The following UNC13B variants were observed in gnomAD, a reference collection of about 807,000 sequenced individuals.
UNC13B encodes the protein protein unc-13 homolog B.
UNC13B carries 144 observed loss-of-function variants against 211.0 expected under a neutral mutation model. The ratio of observed to expected loss-of-function variants is 0.68; its 90% CI spans 0.60 to 0.78. UNC13B has a LOEUF of 0.78. Ranked by LOEUF, UNC13B falls within the 30% of genes least tolerant of loss-of-function variation. UNC13B has a pLI of 0.00. For synonymous variants in UNC13B, 709 were observed against 725.8 expected, an observed-to-expected ratio of 0.98 and a Z score of 0.37; for missense variants, 1,777 against 2,002.0, an observed-to-expected ratio of 0.89 and a Z score of 2.14.
chr9:35,379,718 G>T (rs73501716), intron 17 of UNC13B, among the ~76,000 whole-genome samples: 3,991 of 152,210 alleles, frequency 0.026, 178 homozygotes, highest in African/African-American at 0.089. Context: ...GCTTCAAGAA[G>T]CTCCTTGTTG....
At chr9:35,309,565 C>T (rs1324045983) in intron 9 of UNC13B, among the ~76,000 whole-genome samples, 1 of 152,210 alleles carries the variant, frequency 6.6e-6, no homozygotes, top group East Asian at 1.9e-4. Flanking sequence ...TACTGCTCTT[C>T]TTTCCACCAC....
At chr9:35,264,274 G>A (rs1587498944) in intron 7 of UNC13B, among the ~76,000 whole-genome samples, 1 of 152,182 alleles carries the variant, frequency 6.6e-6, no homozygotes, top group Non-Finnish European at 1.5e-5. Flanking sequence ...TGGTATGAGT[G>A]TAGATATTAA....
chr9:35,201,724 C>G (rs7390679), intron 1 of UNC13B, among the ~76,000 whole-genome samples: 28,126 of 152,098 alleles, frequency 0.18, 2,929 homozygotes, highest in Non-Finnish European at 0.24. Flanking sequence ...ATTCTTCTCT[C>G]TTTTCTTCTT....
intron 1 of UNC13B, among the ~76,000 whole-genome samples, chr9:35,198,837 C>T (rs114538023): frequency 5.5e-4 from 84 of 152,270 alleles, no homozygotes; most frequent in African/African-American, 1.9e-3. Flanking sequence ...CATTATGTCT[C>T]TGCCCTGGGG....
intron 11 of UNC13B, chr9:35,360,668 G>T (rs1833350908): frequency 6.6e-6 from 1 of 151,924 alleles, no homozygotes; most frequent in Admixed American, 6.6e-5. Flanking sequence ...AATTTTTTTT[G>T]AAAGACAGAG....
intron 37 of UNC13B, among the ~76,000 whole-genome samples, chr9:35,402,267 G>A (rs1280037443): frequency 2.0e-5 from 3 of 151,534 alleles, no homozygotes; most frequent in African/African-American, 4.8e-5. Context: ...GATTGTGGTG[G>A]TGTTTTCTTT....
In UNC13B at chr9:35,223,905, A is replaced by G. The variant is rs555959697; in HGVS notation, c.23-4110A>G. On this transcript the variant is annotated intron_variant, in intron 1 of 39. Transcript: ENST00000635942. ...TTTCCCAACACCATTTATTGAAGAT[A>G]TTATACTTTCCTCTGTGTTTTTCTG... Among the ~76,000 whole-genome samples, 81 of 152,282 alleles carry G rather than the reference A, an allele frequency of 5.3e-4. 1 individual carries two copies. Among genetic ancestry groups the G allele is most frequent in the African/African-American group, 1.9e-3 (79 of 41,564 alleles).
chr9:35,382,360 C>T lies in UNC13B; in HGVS notation c.10659C>T (p.His3553=), dbSNP rs372457478. The change falls in exon 21 of 40, where the codon CAC becomes CAT. Residue 3553 remains histidine, a synonymous_variant. Transcript: ENST00000635942. ...GIESIYQAMT[H]FACLSSKYMC... is the part of the protein sequence containing the mutation. ...CTGCGGGTGCTGTGTTTTTCAGGCA[C>T]TTTGCATGTTTATCATCCAAGTACA... is the stretch of plus-strand genomic sequence containing the variant. 6.8e-6 allele frequency: 11 copies of T among 1,611,020 alleles called. No individual in the cohort carries two copies. The African/African-American group carries it at 1.5e-4, about 22-fold the overall frequency.
At chr9:35,247,565 G>C (rs532831579) in intron 6 of UNC13B, among the ~76,000 whole-genome samples, 14 of 152,172 alleles carry the variant, frequency 9.2e-5, no homozygotes, top group South Asian at 4.2e-4. Context: ...TAGCATGAAG[G>C]GCTGTTCAAT....
At chr9:35,331,621 T>G (rs924896069) in intron 11 of UNC13B, among the ~76,000 whole-genome samples, 1 of 152,214 alleles carries the variant, frequency 6.6e-6, no homozygotes, top group Non-Finnish European at 1.5e-5. Context: ...TAAGACATTT[T>G]CCTATTCTCC....
chr9:35,352,182 C>T, intron 11 of UNC13B: 1 of 1,232,120 alleles, frequency 8.1e-7, no homozygotes, highest in East Asian at 3.2e-5. Context: ...AGTGAGGAAG[C>T]CATTCTGTAT....
In UNC13B at chr9:35,397,687, C is replaced by A. The variant is rs1835977766; in HGVS notation, c.11729C>A (p.Pro3910Gln). ...QYADILSKDF[P>Q]AYCTKEKLPC... The stretch of plus-strand genomic sequence containing the variant: ...GCAGACATCTTGTCAAAGGACTTCC[C>A]AGCCTATTGCACAAAGGAGAAACTG... Residue 3910 changes from proline (P) to glutamine (Q), a missense_variant, in exon 30 of 40, where the codon CCA (proline) becomes CAA (glutamine). Transcript: ENST00000635942. 1 of 1,614,050 alleles carries A rather than the reference C, an allele frequency of 6.2e-7. No individual in the cohort carries two copies. Among genetic ancestry groups the A allele is most frequent in the South Asian group, 1.1e-5 (1 of 91,044 alleles).
intron 11 of UNC13B, among the ~76,000 whole-genome samples, chr9:35,347,643 T>C (rs547441117): frequency 6.6e-6 from 1 of 152,316 alleles, no homozygotes; most frequent in African/African-American, 2.4e-5. Context: ...TCAAAGTTCA[T>C]CCCAGGGCAG....
chr9:35,241,557 GCACACACA>G (rs3067420), intron 5 of UNC13B, among the ~76,000 whole-genome samples: 21,747 of 144,984 alleles, frequency 0.15, 1,685 homozygotes, highest in Non-Finnish European at 0.19. Flanking sequence ...CTGAATATAA[GCACACACA>G]CACACACACA....
intron 10 of UNC13B, among the ~76,000 whole-genome samples, chr9:35,311,622 A>G (rs1391961486): frequency 6.6e-6 from 1 of 152,222 alleles, no homozygotes; most frequent in African/African-American, 2.4e-5. Flanking sequence ...CAGCCTGAAA[A>G]TACCAGGCAA....
intron 30 of UNC13B, 118 bp downstream of exon 30, chr9:35,397,830 C>A: frequency 9.4e-7 from 1 of 1,064,924 alleles, no homozygotes; most frequent in Non-Finnish European, 1.4e-6. Flanking sequence ...TGATTCCCAC[C>A]ATGGCTTTGC....
rs566444552 is a variant in UNC13B at position 35,246,192 on chromosome 9, G to A, written c.468+2828G>A. Among the ~76,000 whole-genome samples the A allele has an allele frequency of 8.6e-5, 13 of 152,038 alleles. No individual in the cohort carries two copies. In the South Asian group the frequency reaches 1.9e-3, roughly 22 times the overall value. On this transcript the variant is annotated intron_variant, in intron 6 of 39. Transcript: ENST00000635942. ...TCATGTCCTTTGCCCACTTGTTGAT[G>A]GGGTTGTTTTTTTTTTCTTGTAAAT...
chr9:35,342,907 AAGAGAG>A (rs748340161), intron 11 of UNC13B, among the ~76,000 whole-genome samples: 1 of 151,954 alleles, frequency 6.6e-6, no homozygotes, highest in African/African-American at 2.4e-5. Context: ...GAGAGAGAGA[AAGAGAG>A]AGAGAGACAG....
Position 35,306,405 on chromosome 9 carries a change from C to T in UNC13B, c.7001C>T (p.Pro2334Leu), listed in dbSNP as rs950981257. 2.5e-6 allele frequency: 1 copy of T among 398,876 alleles called. No homozygotes were observed. Among genetic ancestry groups the T allele is most frequent in the Non-Finnish European group, 4.4e-6 (1 of 226,062 alleles). The allele number at this position is 398,876 out of a possible 1,614,324, so 24.7% of individuals were successfully genotyped here. A position where few individuals can be genotyped will look rare whatever the true frequency, so the allele number is the denominator to read the frequency against. The part of the protein sequence containing the change: ...MNELQKDIIP[P>L]SPEFQAQAET... ...GAATTGCAAAAAGACATTATTCCTC[C>T]TTCACCAGAATTTCAGGCACAGGCT... Residue 2334 changes from proline to leucine, a missense_variant, in exon 9 of 40, where the codon CCT (proline) becomes CTT (leucine). Coordinates refer to ENST00000635942, the MANE Select transcript of UNC13B (RefSeq NM_001371189.2).
Sources: allele counts gnomAD v4.1 joint callset (sites outside exome capture counted in the v4.1 genomes callset), GRCh38; gene constraint gnomAD v4.1.1; transcripts MANE v1.5; gene names NCBI Gene and HGNC (gene_info 2026-07-23, HGNC 2026-07-21).